Variants in GPC6 observed in about 807,000 individuals in gnomAD.
GPC6 encodes glypican-6.
GPC6 carries 14 observed loss-of-function variants against 55.2 expected under a neutral mutation model. The ratio of observed to expected loss-of-function variants is 0.25; its 90% CI spans 0.17 to 0.40. The LOEUF (loss-of-function observed/expected upper bound fraction) is 0.40. Among genes scored for constraint, GPC6 ranks in the 10% least tolerant of loss-of-function variants. GPC6 has a pLI of 1.00. For synonymous variants in GPC6, 278 were observed against 259.6 expected (o/e 1.07, Z -0.68); for missense variants, 641 against 708.5 (o/e 0.90, Z 1.08).
At chr13:93,903,811 C>T (rs1335335887) in intron 3 of GPC6, among the ~76,000 whole-genome samples, 4 of 152,052 alleles carry the variant, frequency 2.6e-5, no homozygotes, top group Admixed American at 6.6e-5. Context: ...TAAAATCCTA[C>T]TCATCTTTCA....
intron 2 of GPC6, among the ~76,000 whole-genome samples, chr13:93,793,917 G>C (rs1166683842): frequency 6.6e-6 from 1 of 152,082 alleles, no homozygotes; most frequent in Admixed American, 6.5e-5. Context: ...GTGAAATACT[G>C]GGTAATATAA....
At chr13:93,579,926 A>T (rs1031863010) in intron 2 of GPC6, among the ~76,000 whole-genome samples, 2 of 152,158 alleles carry the variant, frequency 1.3e-5, no homozygotes, top group Non-Finnish European at 2.9e-5. Context: ...CCAAAAATAC[A>T]CTTTTCAAAA....
intron 1 of GPC6, among the ~76,000 whole-genome samples, chr13:93,273,404 A>T (rs368701960): frequency 2.5e-4 from 38 of 152,302 alleles, no homozygotes; most frequent in African/African-American, 8.9e-4. Context: ...CAAGCCTGTA[A>T]TCCCAGCACT....
chr13:94,136,296 G>T (rs1203826909), intron 4 of GPC6, among the ~76,000 whole-genome samples: 1 of 151,904 alleles, frequency 6.6e-6, no homozygotes, highest in Non-Finnish European at 1.5e-5. Flanking sequence ...AGAGTCTTTG[G>T]GGGAGCTGCA....
At chr13:94,331,844 A>C (rs956441815) in intron 6 of GPC6, among the ~76,000 whole-genome samples, 4 of 152,218 alleles carry the variant, frequency 2.6e-5, no homozygotes, top group East Asian at 1.9e-4. Flanking sequence ...CCTCAGGGAA[A>C]GTTTTAAGCA....
At chr13:94,286,561 C>G (rs982528956) in intron 5 of GPC6, 82 bp downstream of exon 5, 1 of 1,210,390 alleles carries the variant, frequency 8.3e-7, no homozygotes, top group Non-Finnish European at 1.2e-6. Flanking sequence ...CTAGATATGT[C>G]GGCTGGGCTT....
intron 6 of GPC6, among the ~76,000 whole-genome samples, chr13:94,379,140 T>C (rs1880041056): frequency 6.6e-6 from 1 of 152,096 alleles, no homozygotes; most frequent in African/African-American, 2.4e-5. Flanking sequence ...TATAAATAAA[T>C]AAAATGAGAA....
At chr13:93,496,359 G>T (rs983840381) in intron 1 of GPC6, among the ~76,000 whole-genome samples, 7 of 152,182 alleles carry the variant, frequency 4.6e-5, no homozygotes, top group Non-Finnish European at 8.8e-5. Context: ...CCCAAGTGAG[G>T]CAATGCCTCG....
intron 6 of GPC6, among the ~76,000 whole-genome samples, chr13:94,331,991 G>A (rs773197033): frequency 1.9e-4 from 29 of 152,140 alleles, no homozygotes; most frequent in Non-Finnish European, 3.4e-4. Flanking sequence ...TTTTATTTCT[G>A]TTCTCCATCT....
intron 3 of GPC6, among the ~76,000 whole-genome samples, chr13:93,891,833 A>G (rs1472100748): frequency 6.6e-6 from 1 of 151,470 alleles, no homozygotes; most frequent in East Asian, 1.9e-4. Flanking sequence ...CACATACTAT[A>G]TGTGTGTGTG....
chr13:93,655,810 T>A lies in GPC6; in HGVS notation c.319+110389T>A, dbSNP rs545584829. 1.8e-4 allele frequency among the ~76,000 whole-genome samples: 27 copies of A among 152,338 alleles called. No homozygotes were observed. In the South Asian group the frequency reaches 5.0e-3, roughly 28 times the overall value. ...AACAATGAAATAGGGAACTTGGCTT[T>A]CCTAAATTAGCTTGGTTATCGTTTT... On this transcript the variant is annotated intron_variant, in intron 2 of 8. Transcript: ENST00000377047.
chr13:94,097,833 T>C (rs958756503), intron 4 of GPC6, among the ~76,000 whole-genome samples: 5 of 152,188 alleles, frequency 3.3e-5, no homozygotes, highest in African/African-American at 1.2e-4. Flanking sequence ...TCTTCCACAG[T>C]CATTTTAATT....
intron 2 of GPC6, among the ~76,000 whole-genome samples, chr13:93,737,274 G>A (rs1056441766): frequency 6.6e-5 from 10 of 152,122 alleles, no homozygotes; most frequent in African/African-American, 2.4e-4. Flanking sequence ...GATTATAGTG[G>A]CCTGCGAGGA....
At chr13:94,112,856 C>T (rs929767761) in intron 4 of GPC6, among the ~76,000 whole-genome samples, 3 of 151,798 alleles carry the variant, frequency 2.0e-5, no homozygotes, top group Admixed American at 1.3e-4. Flanking sequence ...TTCAGTTAAA[C>T]TACTGCTACC....
At chr13:94,385,435 T>C (rs1880358902) in intron 7 of GPC6, among the ~76,000 whole-genome samples, 1 of 152,196 alleles carries the variant, frequency 6.6e-6, no homozygotes, top group Admixed American at 6.5e-5. Flanking sequence ...GGGAAGCCAT[T>C]GGAAGATTTT....
chr13:93,982,486 C>A (rs1432337301), intron 3 of GPC6, among the ~76,000 whole-genome samples: 2 of 152,140 alleles, frequency 1.3e-5, no homozygotes, highest in Non-Finnish European at 2.9e-5. Context: ...TTGAAAAGGG[C>A]AGTTTTAAAG....
chr13:94,369,626 G>A (rs958298788), intron 6 of GPC6, among the ~76,000 whole-genome samples: 4 of 152,116 alleles, frequency 2.6e-5, no homozygotes, highest in Non-Finnish European at 4.4e-5. Flanking sequence ...TTAAGCCAAG[G>A]TTTTTGAGGT....
At chr13:93,711,516 G>A (rs1883062534) in intron 2 of GPC6, among the ~76,000 whole-genome samples, 1 of 151,746 alleles carries the variant, frequency 6.6e-6, no homozygotes. Context: ...CATTCAGAAA[G>A]CCAGCATAAT....
At chr13:93,789,608 T>TATATATATATAATACTAC (rs1885948584) in intron 2 of GPC6, among the ~76,000 whole-genome samples, 2 of 33,070 alleles carry the variant, frequency 6.0e-5, no homozygotes, top group Non-Finnish European at 1.0e-4. Flanking sequence ...CATATATATA[T>TATATATATATAATACTAC]ATATATATAT....
Sources: gnomAD v4.1 joint callset for allele counts (sites outside exome capture counted in the v4.1 genomes callset) on GRCh38, gnomAD v4.1.1 for gene constraint, MANE v1.5 for transcripts, NCBI Gene and HGNC (gene_info 2026-07-23, HGNC 2026-07-21) for gene names.